Variants in XKR9 observed in about 807,000 individuals in gnomAD.
The protein encoded by XKR9 is XK related 9, also known as XK-related protein 9.
A neutral mutation model predicts 32.0 loss-of-function variants in XKR9; 32 were observed. That is an observed-to-expected ratio of 1.00 (90% CI 0.76 to 1.34). XKR9 has a LOEUF of 1.34. Among genes scored for constraint, XKR9 ranks in the 40% most tolerant of loss-of-function variants. The pLI, the probability that XKR9 is intolerant of heterozygous loss-of-function variation, is 0.00. For synonymous variants in XKR9, 168 were observed against 143.4 expected (o/e 1.17, Z -1.22); for missense variants, 546 against 429.7 (o/e 1.27, Z -2.39).
chr8:70,765,872 C>G (rs1404199571), intron 2 of XKR9, among the ~76,000 whole-genome samples: 5 of 152,116 alleles, frequency 3.3e-5, no homozygotes, highest in Admixed American at 6.6e-5. Context: ...AATTCTTTCC[C>G]CCATTGCTTG....
At chr8:70,890,102 A>C in the XKR9 span, among the ~76,000 whole-genome samples, 26 of 151,840 alleles carry the variant, frequency 1.7e-4, no homozygotes, top group African/African-American at 5.8e-4. Flanking sequence ...TTGACTTTTT[A>C]ATGATAGGTA....
the XKR9 span, among the ~76,000 whole-genome samples, chr8:70,963,328 T>C: frequency 1.3e-5 from 2 of 152,382 alleles, no homozygotes; most frequent in Middle Eastern, 3.4e-3. Context: ...TAGTATTCCA[T>C]GGTGTATATG....
chr8:70,937,530 G>T, the XKR9 span, among the ~76,000 whole-genome samples: 1 of 151,976 alleles, frequency 6.6e-6, no homozygotes, highest in Non-Finnish European at 1.5e-5. Context: ...AACAAATTTT[G>T]ATTTGTGTGA....
the XKR9 span, among the ~76,000 whole-genome samples, chr8:70,829,816 C>T: frequency 6.6e-6 from 1 of 152,272 alleles, no homozygotes; most frequent in East Asian, 1.9e-4. Flanking sequence ...TCCTATTTCA[C>T]CTGAGTTAAT....
At chr8:70,996,756 TTC>T in the XKR9 span, among the ~76,000 whole-genome samples, 109 of 152,280 alleles carry the variant, frequency 7.2e-4, no homozygotes, top group Non-Finnish European at 1.5e-3. Context: ...TCCGACCTTC[TTC>T]TACCCTTCTA....
At chr8:70,763,372 T>A (rs1299412869) in intron 2 of XKR9, among the ~76,000 whole-genome samples, 2 of 152,132 alleles carry the variant, frequency 1.3e-5, no homozygotes, top group Non-Finnish European at 2.9e-5. Context: ...CCAGCTAACT[T>A]TTTTCAGATA....
At chr8:70,765,091 C>A (rs183835961) in intron 2 of XKR9, among the ~76,000 whole-genome samples, 1 of 152,098 alleles carries the variant, frequency 6.6e-6, no homozygotes, top group South Asian at 2.1e-4. Context: ...GATTTATAAT[C>A]CTTTGGGAAT....
At chr8:70,739,655 C>G (rs781768502), downstream of XKR9, among the ~76,000 whole-genome samples, 2 of 152,024 alleles carry the variant, frequency 1.3e-5, no homozygotes, top group Non-Finnish European at 2.9e-5. Flanking sequence ...TCTTTTAGGG[C>G]AAGCTTGGTG....
At chr8:70,781,026 C>G (rs1272885728) in intron 2 of XKR9, 3 of 151,978 alleles carry the variant, frequency 2.0e-5, no homozygotes, top group Non-Finnish European at 4.4e-5. Flanking sequence ...TCCTCACTAT[C>G]CTCGGACCAA....
chr8:70,788,836 C>T (rs182349952), intron 2 of XKR9, among the ~76,000 whole-genome samples: 17 of 152,096 alleles, frequency 1.1e-4, no homozygotes, highest in African/African-American at 3.6e-4. Context: ...TCTGCAAGTG[C>T]GTTGGAAGGC....
At chr8:70,951,244 A>G in the XKR9 span, among the ~76,000 whole-genome samples, 4 of 152,246 alleles carry the variant, frequency 2.6e-5, no homozygotes, top group African/African-American at 9.6e-5. Context: ...TTTATTCCTA[A>G]GTTCTGTTTT....
In XKR9 at chr8:70,699,403, G is replaced by A. The variant is rs557058928; in HGVS notation, c.273-7530G>A. 1.7e-3 allele frequency among the ~76,000 whole-genome samples: 252 copies of A among 152,056 alleles called. 1 individual carries two copies. The highest frequency in any genetic ancestry group is 3.5e-3 in the Admixed American group (53 of 15,258). On this transcript the variant is annotated intron_variant, in intron 3 of 4. Coordinates refer to ENST00000408926, the MANE Select transcript of XKR9 (RefSeq NM_001011720.2). ...GTGGTGACAAAATCTCTCAGCATTTGCTTGTCTGTAAAGTATTTTATTTCT... is the reference window on the plus strand; with the variant it reads ...GTGGTGACAAAATCTCTCAGCATTTACTTGTCTGTAAAGTATTTTATTTCT...
the XKR9 span, among the ~76,000 whole-genome samples, chr8:70,940,118 A>G: frequency 3.9e-5 from 6 of 152,002 alleles, no homozygotes; most frequent in African/African-American, 1.2e-4. Context: ...GTTCTGTGTA[A>G]TGGGGACTGG....
chr8:71,021,380 T>C, the XKR9 span, among the ~76,000 whole-genome samples: 1 of 152,226 alleles, frequency 6.6e-6, no homozygotes, highest in Admixed American at 6.5e-5. Flanking sequence ...AGTTATTTTT[T>C]GCTTGTTCAA....
At chr8:70,740,306 T>C (rs62530855), downstream of XKR9, among the ~76,000 whole-genome samples, 60,981 of 151,644 alleles carry the variant, frequency 0.4, 13,811 homozygotes, top group Non-Finnish European at 0.52. Context: ...CGAGCCTTGG[T>C]TTTCAGCTCC....
chr8:70,683,263 A>G (rs950558400), intron 3 of XKR9, among the ~76,000 whole-genome samples: 1 of 152,190 alleles, frequency 6.6e-6, no homozygotes, highest in Non-Finnish European at 1.5e-5. Flanking sequence ...TAACATTGAT[A>G]ATTTAAAGAC....
chr8:70,877,225 C>A, the XKR9 span, among the ~76,000 whole-genome samples: 1 of 152,102 alleles, frequency 6.6e-6, no homozygotes, highest in Non-Finnish European at 1.5e-5. Flanking sequence ...TGGGAAACTG[C>A]CCCCATGATT....
intron 2 of XKR9, among the ~76,000 whole-genome samples, chr8:70,754,608 G>A (rs571707184): frequency 6.6e-4 from 100 of 151,300 alleles, no homozygotes; most frequent in African/African-American, 2.0e-3. Context: ...AAATAACGCC[G>A]CACATCTACA....
the XKR9 span, among the ~76,000 whole-genome samples, chr8:70,967,854 G>A: frequency 2.6e-5 from 4 of 151,878 alleles, no homozygotes; most frequent in African/African-American, 9.7e-5. Flanking sequence ...CTTTCTCTCT[G>A]GCTGCCCTTA....
Sources: allele counts gnomAD v4.1 joint callset (sites outside exome capture counted in the v4.1 genomes callset), GRCh38; gene constraint gnomAD v4.1.1; transcripts MANE v1.5; gene names NCBI Gene and HGNC (gene_info 2026-07-23, HGNC 2026-07-21).